OR6N1: variants seen among roughly 807,000 people sequenced by gnomAD.
OR6N1 encodes olfactory receptor 6N1.
For synonymous variants in OR6N1, 170 were observed against 150.7 expected (o/e 1.13, Z -0.94); for missense variants, 394 against 371.7 (o/e 1.06, Z -0.49).
At chr1:158,836,325 G>T in the OR6N1 span, among the ~76,000 whole-genome samples, 1 of 151,904 alleles carries the variant, frequency 6.6e-6, no homozygotes, top group Non-Finnish European at 1.5e-5. Context: ...TATATATTTG[G>T]TAGAATTTAC....
At chr1:158,822,145 C>A in the OR6N1 span, among the ~76,000 whole-genome samples, 1 of 152,132 alleles carries the variant, frequency 6.6e-6, no homozygotes, top group African/African-American at 2.4e-5. Flanking sequence ...TTTGATGCTT[C>A]CAGCTTTATT....
At chr1:158,778,898 G>T in the OR6N1 span, among the ~76,000 whole-genome samples, 1 of 151,570 alleles carries the variant, frequency 6.6e-6, no homozygotes. Flanking sequence ...GGCACCTGCA[G>T]TTCCCAGCTA....
At chr1:158,774,051 C>G (rs1381860600), upstream of OR6N1, among the ~76,000 whole-genome samples, 1 of 152,126 alleles carries the variant, frequency 6.6e-6, no homozygotes, top group Non-Finnish European at 1.5e-5. Flanking sequence ...AATCATTTCC[C>G]AAAAACTATG....
the OR6N1 span, among the ~76,000 whole-genome samples, chr1:158,837,019 C>T: frequency 6.6e-6 from 1 of 151,458 alleles, no homozygotes; most frequent in Non-Finnish European, 1.5e-5. Context: ...AGTTTTCTTT[C>T]TGTTGATTTC....
upstream of OR6N1, chr1:158,776,897 C>T (rs1293056538): frequency 1.2e-5 from 20 of 1,613,960 alleles, no homozygotes; most frequent in Non-Finnish European, 1.6e-5. Flanking sequence ...ATGAGGACCA[C>T]AGCAAGATGT....
the OR6N1 span, among the ~76,000 whole-genome samples, chr1:158,785,599 G>A: frequency 6.6e-6 from 1 of 152,132 alleles, no homozygotes; most frequent in African/African-American, 2.4e-5. Flanking sequence ...ATCATGCAGG[G>A]AGAGTGAAAT....
chr1:158,827,760 C>G, the OR6N1 span, among the ~76,000 whole-genome samples: 2 of 152,032 alleles, frequency 1.3e-5, no homozygotes, highest in African/African-American at 4.8e-5. Context: ...GGTGGAGAAC[C>G]AACAGAGGGT....
the OR6N1 span, among the ~76,000 whole-genome samples, chr1:158,824,795 A>G: frequency 2.6e-5 from 4 of 152,186 alleles, no homozygotes; most frequent in Admixed American, 1.3e-4. Flanking sequence ...CCCCTTCCTT[A>G]CCCCATATAC....
the OR6N1 span, among the ~76,000 whole-genome samples, chr1:158,807,813 G>A: frequency 9.2e-5 from 10 of 109,268 alleles, no homozygotes; most frequent in Non-Finnish European, 1.4e-4. Flanking sequence ...CATAAATGCA[G>A]CTTAACCACT....
the OR6N1 span, among the ~76,000 whole-genome samples, chr1:158,818,955 T>TCAGGGGATTGAA: frequency 1.3e-5 from 2 of 152,172 alleles, no homozygotes; most frequent in South Asian, 4.2e-4. Context: ...CCTAAGCAAC[T>TCAGGGGATTGAA]CAGGGGAATA....
the OR6N1 span, among the ~76,000 whole-genome samples, chr1:158,839,610 A>C: frequency 6.6e-6 from 1 of 152,208 alleles, no homozygotes; most frequent in Non-Finnish European, 1.5e-5. Flanking sequence ...ATAATGTTGC[A>C]AAGCAGTTCC....
chr1:158,793,792 C>T, the OR6N1 span, among the ~76,000 whole-genome samples: 4 of 152,148 alleles, frequency 2.6e-5, no homozygotes, highest in African/African-American at 9.7e-5. Context: ...GATCCAGCTG[C>T]AGCTAAAGCA....
At chr1:158,788,160 T>C in the OR6N1 span, among the ~76,000 whole-genome samples, 1 of 152,224 alleles carries the variant, frequency 6.6e-6, no homozygotes, top group Non-Finnish European at 1.5e-5. Context: ...TGTTGATTAT[T>C]GTTAATAGAA....
At chr1:158,816,849 C>A in the OR6N1 span, among the ~76,000 whole-genome samples, 1 of 152,210 alleles carries the variant, frequency 6.6e-6, no homozygotes, top group African/African-American at 2.4e-5. Flanking sequence ...GCGTTGTAAT[C>A]ATAGGATCAA....
chr1:158,815,629 T>C, the OR6N1 span, among the ~76,000 whole-genome samples: 28 of 152,280 alleles, frequency 1.8e-4, no homozygotes, highest in Admixed American at 1.7e-3. Flanking sequence ...ATGTGAGGTA[T>C]ATGTAAAACT....
At chr1:158,838,192 G>A in the OR6N1 span, among the ~76,000 whole-genome samples, 2 of 151,834 alleles carry the variant, frequency 1.3e-5, no homozygotes, top group Non-Finnish European at 2.9e-5. Context: ...TTACATTTTT[G>A]TATGAGTTTG....
chr1:158,821,356 C>A, the OR6N1 span, among the ~76,000 whole-genome samples: 1 of 152,132 alleles, frequency 6.6e-6, no homozygotes, highest in Non-Finnish European at 1.5e-5. Context: ...TTAAGGTTCA[C>A]TCTTGCTATC....
At chr1:158,784,104 T>TA in the OR6N1 span, among the ~76,000 whole-genome samples, 2 of 151,600 alleles carry the variant, frequency 1.3e-5, no homozygotes, top group Non-Finnish European at 2.9e-5. Context: ...AGACTCCCTC[T>TA]AAAAAACAAA....
At chr1:158,788,819 C>T in the OR6N1 span, among the ~76,000 whole-genome samples, 3 of 152,224 alleles carry the variant, frequency 2.0e-5, no homozygotes, top group East Asian at 5.8e-4. Flanking sequence ...ATTATTAGCA[C>T]AATCATCTTT....
Sources: gnomAD v4.1 joint callset for allele counts (sites outside exome capture counted in the v4.1 genomes callset) on GRCh38, gnomAD v4.1.1 for gene constraint, MANE v1.5 for transcripts, NCBI Gene and HGNC (gene_info 2026-07-23, HGNC 2026-07-21) for gene names.